The following FBXL17 variants were observed in gnomAD, a reference collection of about 807,000 sequenced individuals.
The protein encoded by FBXL17 is F-box/LRR-repeat protein 17.
FBXL17 carries 22 observed loss-of-function variants against 66.2 expected under a neutral mutation model. The observed-to-expected ratio is 0.33, with a 90% CI of 0.24 to 0.47. The LOEUF (loss-of-function observed/expected upper bound fraction) is 0.47, where lower values mean the gene tolerates loss of function less well. Among genes scored for constraint, FBXL17 ranks in the 20% least tolerant of loss-of-function variants. FBXL17 has a pLI of 1.00. For synonymous variants in FBXL17, 474 were observed against 400.5 expected (o/e 1.18, Z -2.19); for missense variants, 878 against 948.2 (o/e 0.93, Z 0.97).
chr5:108,295,483 G>C (rs1266129003), intron 4 of FBXL17, among the ~76,000 whole-genome samples: 1 of 151,900 alleles, frequency 6.6e-6, no homozygotes, highest in African/African-American at 2.4e-5. Context: ...ACAAAGTAGA[G>C]GAGCTAAGAA....
intron 6 of FBXL17, among the ~76,000 whole-genome samples, chr5:108,159,508 AC>A (rs1197967176): frequency 1.3e-5 from 2 of 152,016 alleles, no homozygotes; most frequent in Non-Finnish European, 2.9e-5. Flanking sequence ...TATCAAAGAG[AC>A]CCCAAAGAGG....
At chr5:108,079,009 A>T (rs1748658911) in intron 6 of FBXL17, among the ~76,000 whole-genome samples, 1 of 151,792 alleles carries the variant, frequency 6.6e-6, no homozygotes. Context: ...GCCTTGAACG[A>T]TCTAATTTTT....
chr5:107,900,356 C>T (rs1458211788), intron 7 of FBXL17, among the ~76,000 whole-genome samples: 1 of 152,074 alleles, frequency 6.6e-6, no homozygotes, highest in Non-Finnish European at 1.5e-5. Context: ...AGAGAGATGT[C>T]TTCAAGAAAA....
At chr5:108,354,851 G>A (rs143236611) in intron 3 of FBXL17, among the ~76,000 whole-genome samples, 1 of 151,522 alleles carries the variant, frequency 6.6e-6, no homozygotes, top group East Asian at 1.9e-4. Context: ...ACGCAATCAA[G>A]AAGAAAGTAG....
intron 6 of FBXL17, among the ~76,000 whole-genome samples, chr5:108,121,481 T>A (rs1455961232): frequency 6.6e-6 from 1 of 152,056 alleles, no homozygotes; most frequent in Admixed American, 6.6e-5. Context: ...ACAGAATGAG[T>A]CCATGCATAT....
chr5:108,275,931 T>C (rs1396480579), intron 4 of FBXL17, among the ~76,000 whole-genome samples: 2 of 152,176 alleles, frequency 1.3e-5, no homozygotes, highest in Non-Finnish European at 2.9e-5. Context: ...AGGAGAGAAT[T>C]TGTACATTGC....
chr5:108,037,727 G>A lies in FBXL17; in HGVS notation c.1746-16726C>T, dbSNP rs528986402. ...GGGGGCAATAAGATCTACCTCAAAG[G>A]GTTTTTGTAAGAATTAAAATAAATG... On this transcript the variant is annotated intron_variant, in intron 6 of 8. Coordinates refer to ENST00000542267, the MANE Select transcript of FBXL17 (RefSeq NM_001163315.3). Among the ~76,000 whole-genome samples the A allele has an allele frequency of 2.2e-4, 33 of 152,048 alleles. No individual in the cohort carries two copies. In the South Asian group the frequency reaches 4.6e-3, roughly 21 times the overall value.
At chr5:108,095,399 G>A (rs546990422) in intron 6 of FBXL17, among the ~76,000 whole-genome samples, 1 of 152,150 alleles carries the variant, frequency 6.6e-6, no homozygotes, top group South Asian at 2.1e-4. Context: ...TATGTCCACT[G>A]TGTGGAGAAA....
intron 7 of FBXL17, among the ~76,000 whole-genome samples, chr5:108,007,732 G>T (rs751209371): frequency 1.3e-5 from 2 of 152,126 alleles, no homozygotes; most frequent in East Asian, 3.9e-4. Flanking sequence ...ATCTGAGAGC[G>T]TAGATTTCAA....
intron 5 of FBXL17, among the ~76,000 whole-genome samples, chr5:108,203,697 C>T (rs945401630): frequency 6.6e-6 from 1 of 152,062 alleles, no homozygotes; most frequent in Admixed American, 6.6e-5. Flanking sequence ...AGCAATATTA[C>T]CATTTAAGTA....
intron 4 of FBXL17, among the ~76,000 whole-genome samples, chr5:108,244,423 GTTA>G (rs948699097): frequency 2.6e-5 from 4 of 152,114 alleles, no homozygotes; most frequent in African/African-American, 9.7e-5. Context: ...CCTTAAGGAA[GTTA>G]TTATCTGAAA....
intron 7 of FBXL17, among the ~76,000 whole-genome samples, chr5:107,966,669 A>G (rs905599715): frequency 1.3e-5 from 2 of 152,172 alleles, no homozygotes; most frequent in South Asian, 2.1e-4. Flanking sequence ...CCTTTACAAA[A>G]TTTGTGTGGT....
chr5:107,875,758 T>C (rs1212322430), intron 8 of FBXL17, among the ~76,000 whole-genome samples: 1 of 152,216 alleles, frequency 6.6e-6, no homozygotes, highest in Non-Finnish European at 1.5e-5. Context: ...ACTTCAGGAA[T>C]TGGGGCAGGT....
At chr5:108,260,867 T>C (rs1412458524) in intron 4 of FBXL17, among the ~76,000 whole-genome samples, 5 of 152,148 alleles carry the variant, frequency 3.3e-5, no homozygotes, top group Non-Finnish European at 7.3e-5. Context: ...TATCACACAG[T>C]CTCGCATTTT....
intron 7 of FBXL17, among the ~76,000 whole-genome samples, chr5:107,900,604 T>A (rs900007628): frequency 2.5e-5 from 2 of 81,568 alleles, no homozygotes; most frequent in South Asian, 4.1e-4. Context: ...TACATTTTTT[T>A]AGATATGCTT....
intron 7 of FBXL17, among the ~76,000 whole-genome samples, chr5:108,020,047 C>T (rs894238492): frequency 6.6e-6 from 1 of 151,846 alleles, no homozygotes; most frequent in Admixed American, 6.6e-5. Context: ...GGTAGATGGT[C>T]AGTGTGACAT....
At chr5:108,238,706 A>T (rs903776944) in intron 4 of FBXL17, among the ~76,000 whole-genome samples, 1 of 151,994 alleles carries the variant, frequency 6.6e-6, no homozygotes, top group African/African-American at 2.4e-5. Context: ...TTTTGTAGAG[A>T]CAGGGTTTCA....
At position 107,881,252 on chromosome 5, in the gene FBXL17, T is replaced by A. The variant is rs936229761; in HGVS notation, c.1823-73A>T. ...AGCTCTATCTTATTATGACTATTCATCTCATTTCCTCACTAAATTTGTTCC... is the reference window on the plus strand; with the variant it reads ...AGCTCTATCTTATTATGACTATTCAACTCATTTCCTCACTAAATTTGTTCC... On this transcript the variant is annotated intron_variant, in intron 7 of 8. Coordinates refer to ENST00000542267, the MANE Select transcript of FBXL17 (RefSeq NM_001163315.3). 27 of 817,220 alleles carry A rather than the reference T, an allele frequency of 3.3e-5. No individual in the cohort carries two copies. In the Admixed American group the frequency reaches 7.2e-4, roughly 22 times the overall value. 50.6% of individuals were successfully genotyped at this position (817,220 alleles called of 1,614,324 possible).
At chr5:108,214,515 A>G (rs775697573) in intron 5 of FBXL17, among the ~76,000 whole-genome samples, 2 of 151,896 alleles carry the variant, frequency 1.3e-5, no homozygotes, top group South Asian at 2.1e-4. Context: ...CAAGAGGCAC[A>G]TGCCACTGCA....
Sources: gnomAD v4.1 joint callset for allele counts (sites outside exome capture counted in the v4.1 genomes callset) on GRCh38, gnomAD v4.1.1 for gene constraint, MANE v1.5 for transcripts, NCBI Gene and HGNC (gene_info 2026-07-23, HGNC 2026-07-21) for gene names.